The following SPAG16 variants were observed in gnomAD, a reference collection of about 807,000 sequenced individuals.
SPAG16 encodes sperm associated antigen 16, also known as sperm-associated antigen 16 protein.
In SPAG16, 86 loss-of-function variants were observed where a neutral mutation model predicts 80.4. That is an observed-to-expected ratio of 1.07 (90% confidence interval 0.90 to 1.28). The LOEUF (loss-of-function observed/expected upper bound fraction) is 1.28, where lower values mean the gene tolerates loss of function less well. SPAG16 is among the 50% of genes most tolerant of loss of function. SPAG16 has a pLI of 0.00. For missense variants in SPAG16, 870 were observed against 765.3 expected, an observed-to-expected ratio of 1.14 and a Z score of -1.61; for synonymous variants, 294 against 265.9, an observed-to-expected ratio of 1.11 and a Z score of -1.03.
At chr2:213,379,850 A>G (rs1189426180) in intron 9 of SPAG16, among the ~76,000 whole-genome samples, 1 of 152,144 alleles carries the variant, frequency 6.6e-6, no homozygotes, top group African/African-American at 2.4e-5. Flanking sequence ...CATCCCTGCC[A>G]CCATGGCCAC....
At chr2:213,457,612 C>A (rs2125599119) in intron 9 of SPAG16, among the ~76,000 whole-genome samples, 1 of 152,024 alleles carries the variant, frequency 6.6e-6, no homozygotes, top group African/African-American at 2.4e-5. Context: ...GTATTAAAAT[C>A]TTTGTGTATT....
intron 11 of SPAG16, among the ~76,000 whole-genome samples, chr2:213,900,927 A>G (rs2077195168): frequency 6.6e-6 from 1 of 152,182 alleles, no homozygotes; most frequent in Non-Finnish European, 1.5e-5. Flanking sequence ...TGAAAATATT[A>G]CAATTAATTC....
At chr2:213,860,467 ATC>A (rs1420827239) in intron 10 of SPAG16, among the ~76,000 whole-genome samples, 7 of 125,388 alleles carry the variant, frequency 5.6e-5, no homozygotes, top group Non-Finnish European at 1.2e-4. Context: ...ATACAGATAT[ATC>A]TATCTATATA....
In SPAG16 at chr2:213,889,435, AT is replaced by A. The variant is rs112403890; in HGVS notation, c.1214+26817del. 2.5e-3 allele frequency among the ~76,000 whole-genome samples: 370 copies of A among 149,756 alleles called. 2 individuals carry two copies. The highest frequency in any genetic ancestry group is 3.1e-3 in the Non-Finnish European group (210 of 67,276). On this transcript the variant is annotated intron_variant, in intron 11 of 15. Coordinates refer to ENST00000331683, the MANE Select transcript of SPAG16 (RefSeq NM_024532.5). ...TATATTTCCTTGGGCAACAAAATAGATTTTTTTTTTAAATCTATGTGTCTTT... is the reference window on the plus strand; with the variant it reads ...TATATTTCCTTGGGCAACAAAATAGATTTTTTTTTAAATCTATGTGTCTTT...
chr2:213,915,235 C>CCAT (rs1267783677), intron 11 of SPAG16, among the ~76,000 whole-genome samples: 1 of 151,912 alleles, frequency 6.6e-6, no homozygotes, highest in Non-Finnish European at 1.5e-5. Flanking sequence ...ACCCATCAAC[C>CCAT]CATCATCTAC....
At chr2:213,666,173 G>T (rs545829277) in intron 10 of SPAG16, among the ~76,000 whole-genome samples, 1 of 152,066 alleles carries the variant, frequency 6.6e-6, no homozygotes, top group South Asian at 2.1e-4. Context: ...TAACAACTTT[G>T]GAATACAAAA....
chr2:213,726,103 C>G (rs1177863185), intron 10 of SPAG16, among the ~76,000 whole-genome samples: 1 of 152,234 alleles, frequency 6.6e-6, no homozygotes, highest in Non-Finnish European at 1.5e-5. Flanking sequence ...CAAGGAGATA[C>G]TGAGGACTTC....
intron 15 of SPAG16, among the ~76,000 whole-genome samples, chr2:214,392,899 A>C (rs982906784): frequency 6.6e-6 from 1 of 152,236 alleles, no homozygotes; most frequent in Non-Finnish European, 1.5e-5. Context: ...GTAGAATTAC[A>C]TAAGAGTCTA....
chr2:214,087,217 T>G (rs562259909), intron 13 of SPAG16, among the ~76,000 whole-genome samples: 4 of 152,278 alleles, frequency 2.6e-5, no homozygotes, highest in Admixed American at 2.0e-4. Flanking sequence ...AAATGCAGAT[T>G]TTTTTGCTAT....
intron 13 of SPAG16, among the ~76,000 whole-genome samples, chr2:214,061,652 T>C (rs1017628212): frequency 4.6e-5 from 7 of 152,226 alleles, no homozygotes; most frequent in African/African-American, 1.7e-4. Flanking sequence ...TTACAGCTAC[T>C]GATTGCATCT....
chr2:213,369,517 A>G (rs950166170), intron 8 of SPAG16, among the ~76,000 whole-genome samples: 2 of 152,202 alleles, frequency 1.3e-5, no homozygotes, highest in Admixed American at 1.3e-4. Flanking sequence ...CTGTACAATT[A>G]CAGTGCATAA....
chr2:213,293,268 C>G (rs938391836), intron 1 of SPAG16, among the ~76,000 whole-genome samples: 2 of 152,184 alleles, frequency 1.3e-5, no homozygotes, highest in African/African-American at 4.8e-5. Context: ...AATTAAACCT[C>G]TTTTCCTTAT....
chr2:213,618,453 C>T (rs1315005433), intron 10 of SPAG16, among the ~76,000 whole-genome samples: 1 of 152,138 alleles, frequency 6.6e-6, no homozygotes, highest in African/African-American at 2.4e-5. Flanking sequence ...AACAGTCCCC[C>T]CAAACTGTAA....
At chr2:213,842,398 G>T (rs76427705) in intron 10 of SPAG16, among the ~76,000 whole-genome samples, 1 of 152,118 alleles carries the variant, frequency 6.6e-6, no homozygotes, top group East Asian at 1.9e-4. Context: ...GGAGTAGTAA[G>T]AAATAGAATG....
intron 10 of SPAG16, among the ~76,000 whole-genome samples, chr2:213,551,811 T>C (rs1559246582): frequency 6.6e-6 from 1 of 152,164 alleles, no homozygotes; most frequent in Non-Finnish European, 1.5e-5. Flanking sequence ...CTGAATACCA[T>C]TTTGAAGAAC....
At chr2:213,881,058 G>A (rs1450755180) in intron 11 of SPAG16, among the ~76,000 whole-genome samples, 1 of 152,114 alleles carries the variant, frequency 6.6e-6, no homozygotes, top group Non-Finnish European at 1.5e-5. Flanking sequence ...ATTGCTTTGG[G>A]CAGTATGGTC....
chr2:213,485,645 T>C (rs2073943265), intron 9 of SPAG16, among the ~76,000 whole-genome samples: 1 of 152,158 alleles, frequency 6.6e-6, no homozygotes, highest in East Asian at 1.9e-4. Context: ...TGTGACCTAG[T>C]AATTAACATA....
intron 10 of SPAG16, among the ~76,000 whole-genome samples, chr2:213,707,919 T>C (rs931396486): frequency 6.6e-6 from 1 of 152,188 alleles, no homozygotes; most frequent in Non-Finnish European, 1.5e-5. Context: ...ATCCTATATT[T>C]ATCTTCTAAT....
chr2:213,859,165 C>T (rs1177268885), intron 10 of SPAG16, among the ~76,000 whole-genome samples: 4 of 86,886 alleles, frequency 4.6e-5, no homozygotes, highest in South Asian at 4.0e-4. Context: ...GGCAACAGAG[C>T]GACACTCCGT....
Sources: gnomAD v4.1 joint callset for allele counts (sites outside exome capture counted in the v4.1 genomes callset) on GRCh38, gnomAD v4.1.1 for gene constraint, MANE v1.5 for transcripts, NCBI Gene and HGNC (gene_info 2026-07-23, HGNC 2026-07-21) for gene names.